ROBO2: variants seen among roughly 807,000 people sequenced by gnomAD.
The protein encoded by ROBO2 is roundabout homolog 2.
In ROBO2, 53 loss-of-function variants were observed where a neutral mutation model predicts 160.8. The ratio of observed to expected loss-of-function variants is 0.33; its 90% CI spans 0.26 to 0.41. ROBO2 has a LOEUF of 0.41. Among genes scored for constraint, ROBO2 ranks in the 10% least tolerant of loss-of-function variants. The probability of loss-of-function intolerance (pLI) is 1.00; values close to 1 mark genes in which losing one functional copy is unlikely to be tolerated. For missense variants in ROBO2, 1,577 were observed against 1,722.4 expected (o/e 0.92, Z 1.49); for synonymous variants, 664 against 611.7 (o/e 1.09, Z -1.26).
At chr3:77,348,473 G>GT (rs2067926202) in intron 2 of ROBO2, among the ~76,000 whole-genome samples, 1 of 152,040 alleles carries the variant, frequency 6.6e-6, no homozygotes, top group South Asian at 2.1e-4. Flanking sequence ...ACCACAAGCT[G>GT]TTTTATCAGC....
At chr3:76,919,150 A>G (rs924184816) in intron 2 of ROBO2, among the ~76,000 whole-genome samples, 1 of 152,174 alleles carries the variant, frequency 6.6e-6, no homozygotes, top group African/African-American at 2.4e-5. Flanking sequence ...TTACCTGTGT[A>G]ACAAACCTGC....
At chr3:76,584,565 G>T (rs1377900309) in intron 2 of ROBO2, among the ~76,000 whole-genome samples, 1 of 152,096 alleles carries the variant, frequency 6.6e-6, no homozygotes, top group Non-Finnish European at 1.5e-5. Context: ...AGCCAAAAAG[G>T]GAGGCTTGGT....
chr3:75,914,859 C>T (rs1336195109), intron 1 of ROBO2, among the ~76,000 whole-genome samples: 2 of 152,174 alleles, frequency 1.3e-5, no homozygotes, highest in Non-Finnish European at 2.9e-5. Context: ...CAAGCACTTC[C>T]ACCGAGTTTT....
intron 2 of ROBO2, among the ~76,000 whole-genome samples, chr3:76,735,249 C>G (rs568422707): frequency 1.3e-5 from 2 of 152,264 alleles, no homozygotes; most frequent in East Asian, 3.9e-4. Context: ...TGGAATACCA[C>G]CAAGCCAAAC....
intron 2 of ROBO2, among the ~76,000 whole-genome samples, chr3:76,246,192 T>A (rs1037105419): frequency 6.6e-6 from 1 of 152,120 alleles, no homozygotes; most frequent in Non-Finnish European, 1.5e-5. Flanking sequence ...TCCTATTTCC[T>A]GCATATCATC....
chr3:76,825,275 A>C (rs1037515308), intron 2 of ROBO2, among the ~76,000 whole-genome samples: 2 of 152,192 alleles, frequency 1.3e-5, no homozygotes, highest in Non-Finnish European at 2.9e-5. Context: ...AAGGCAATAA[A>C]TGGATGACTG....
intron 2 of ROBO2, among the ~76,000 whole-genome samples, chr3:76,314,051 C>G (rs2071794527): frequency 6.6e-6 from 1 of 152,112 alleles, no homozygotes; most frequent in Non-Finnish European, 1.5e-5. Context: ...TGTTGGCTCT[C>G]AAGGGATTTT....
chr3:77,091,607 C>T (rs1466809069), intron 1 of ROBO2, among the ~76,000 whole-genome samples: 1 of 152,060 alleles, frequency 6.6e-6, no homozygotes, highest in East Asian at 1.9e-4. Flanking sequence ...GTGTGATCTT[C>T]TGGTAAGCAT....
chr3:75,991,771 C>T (rs949037508), intron 2 of ROBO2, among the ~76,000 whole-genome samples: 5 of 152,092 alleles, frequency 3.3e-5, no homozygotes, highest in East Asian at 1.9e-4. Context: ...TCCCTAGAGA[C>T]GTGTTGAATG....
At chr3:77,332,562 TAA>T (rs1452561180) in intron 2 of ROBO2, among the ~76,000 whole-genome samples, 2 of 152,244 alleles carry the variant, frequency 1.3e-5, no homozygotes, top group South Asian at 2.1e-4. Flanking sequence ...CGCAGTTATA[TAA>T]GTTATGCACA....
At position 76,536,481 on chromosome 3, in the gene ROBO2, C is replaced by T. The variant is rs537857598; in HGVS notation, c.110-561533C>T. ...TGGGCCATGAACTGGGCTGGGTTTT[C>T]GTCTTTACCTTGGGTACCTTCTTTA... On this transcript the variant is annotated intron_variant, in intron 2 of 26. Coordinates refer to the ROBO2 transcript ENST00000487694. Among the ~76,000 whole-genome samples, 19 of 152,178 alleles carry T rather than the reference C, an allele frequency of 1.2e-4. 1 individual carries two copies. The East Asian group carries it at 2.9e-3, about 23-fold the overall frequency.
At chr3:77,617,896 T>A in intron 22 of ROBO2, 123 bp downstream of exon 23, 1 of 987,802 alleles carries the variant, frequency 1.0e-6, no homozygotes, top group Non-Finnish European at 1.5e-6. Flanking sequence ...TTTGTATGAC[T>A]CCTTAATCAT....
intron 2 of ROBO2, among the ~76,000 whole-genome samples, chr3:76,874,914 G>A (rs970000825): frequency 1.3e-5 from 2 of 152,114 alleles, no homozygotes; most frequent in Admixed American, 6.5e-5. Flanking sequence ...TATATGTAAC[G>A]GAATTCATTC....
chr3:76,303,847 C>G (rs1339052167), intron 2 of ROBO2, among the ~76,000 whole-genome samples: 1 of 152,120 alleles, frequency 6.6e-6, no homozygotes, highest in African/African-American at 2.4e-5. Context: ...CTTTTTGTCT[C>G]CTATAACTGC....
At chr3:76,935,921 C>T (rs1354276637) in intron 2 of ROBO2, among the ~76,000 whole-genome samples, 2 of 152,136 alleles carry the variant, frequency 1.3e-5, no homozygotes. Context: ...GGTCCTTCTT[C>T]CAAATACCAT....
At chr3:76,685,245 T>C (rs1261083758) in intron 2 of ROBO2, among the ~76,000 whole-genome samples, 1 of 150,232 alleles carries the variant, frequency 6.7e-6, no homozygotes, top group Non-Finnish European at 1.5e-5. Flanking sequence ...CCAAAAAGTA[T>C]CTGGGACAAA....
intron 2 of ROBO2, among the ~76,000 whole-genome samples, chr3:77,250,083 A>G (rs919483781): frequency 2.0e-5 from 3 of 152,214 alleles, no homozygotes; most frequent in South Asian, 2.1e-4. Flanking sequence ...AAAAAATGCT[A>G]TAAGATTACT....
At chr3:77,051,929 C>A (rs2149698551) in intron 1 of ROBO2, among the ~76,000 whole-genome samples, 1 of 152,356 alleles carries the variant, frequency 6.6e-6, no homozygotes, top group Admixed American at 6.5e-5. Context: ...ATATTTAGTT[C>A]TATGGATTGT....
chr3:76,819,980 G>A (rs1349840285), intron 2 of ROBO2, among the ~76,000 whole-genome samples: 1 of 152,048 alleles, frequency 6.6e-6, no homozygotes, highest in Non-Finnish European at 1.5e-5. Context: ...TTTTCTGTGT[G>A]TTCTAATCAA....
Sources: gnomAD v4.1 joint callset for allele counts (sites outside exome capture counted in the v4.1 genomes callset) on GRCh38, gnomAD v4.1.1 for gene constraint, MANE v1.5 for transcripts, NCBI Gene and HGNC (gene_info 2026-07-23, HGNC 2026-07-21) for gene names.